The following NRG3 variants were observed in gnomAD, a reference collection of about 807,000 sequenced individuals.
The protein encoded by NRG3 is neuregulin 3.
NRG3 carries 31 observed loss-of-function variants against 66.9 expected under a neutral mutation model. The ratio of observed to expected loss-of-function variants is 0.46; its 90% CI spans 0.35 to 0.63. The LOEUF (loss-of-function observed/expected upper bound fraction) is 0.63, where lower values mean the gene tolerates loss of function less well. Ranked by LOEUF, NRG3 falls within the 20% of genes least tolerant of loss-of-function variation. NRG3 has a pLI of 0.00. For synonymous variants in NRG3, 393 were observed against 359.4 expected (o/e 1.09, Z -1.06); for missense variants, 910 against 878.9 (o/e 1.04, Z -0.45).
At chr10:82,368,637 T>G (rs767627657) in intron 2 of NRG3, among the ~76,000 whole-genome samples, 9 of 137,900 alleles carry the variant, frequency 6.5e-5, no homozygotes, top group Non-Finnish European at 1.0e-4. Flanking sequence ...CACTATCTTG[T>G]GAGGGATGGG....
intron 1 of NRG3, among the ~76,000 whole-genome samples, chr10:82,349,344 C>T (rs1404722485): frequency 6.6e-6 from 1 of 151,846 alleles, no homozygotes; most frequent in East Asian, 1.9e-4. Context: ...TCAGTGTGCC[C>T]CTGCTGGGGG....
chr10:81,896,940 A>G (rs1480128387), intron 1 of NRG3, among the ~76,000 whole-genome samples: 2 of 152,298 alleles, frequency 1.3e-5, no homozygotes, highest in East Asian at 3.9e-4. Context: ...GAGAAGTTAG[A>G]TAGGAACAGG....
chr10:82,953,069 TA>T (rs907560819), intron 5 of NRG3, among the ~76,000 whole-genome samples: 1 of 151,912 alleles, frequency 6.6e-6, no homozygotes, highest in African/African-American at 2.4e-5. Context: ...CTTAGTATTT[TA>T]CCTAAGGCCC....
chr10:82,918,075 A>G (rs535645420), intron 4 of NRG3, among the ~76,000 whole-genome samples: 1 of 151,456 alleles, frequency 6.6e-6, no homozygotes, highest in East Asian at 1.9e-4. Context: ...GTCTTAAAAC[A>G]TTCTAGCAAA....
chr10:82,781,461 G>C (rs1041599159), intron 3 of NRG3, among the ~76,000 whole-genome samples: 2 of 152,048 alleles, frequency 1.3e-5, no homozygotes, highest in African/African-American at 4.8e-5. Flanking sequence ...CCTCTATCTT[G>C]GCTTATATCT....
At chr10:82,682,597 C>T (rs1464470542) in intron 2 of NRG3, among the ~76,000 whole-genome samples, 2 of 152,132 alleles carry the variant, frequency 1.3e-5, no homozygotes, top group African/African-American at 4.8e-5. Context: ...TTATGGGCAA[C>T]AACTGCTGAA....
chr10:81,926,014 C>T (rs1205219711), intron 1 of NRG3, among the ~76,000 whole-genome samples: 1 of 152,098 alleles, frequency 6.6e-6, no homozygotes, highest in Non-Finnish European at 1.5e-5. Flanking sequence ...TTGGCCGTGG[C>T]ATAGACAGCA....
chr10:82,718,322 G>A (rs1366090352), intron 2 of NRG3, among the ~76,000 whole-genome samples: 1 of 152,154 alleles, frequency 6.6e-6, no homozygotes, highest in Non-Finnish European at 1.5e-5. Context: ...GATACTTGAA[G>A]AGGTTTCTGT....
intron 3 of NRG3, among the ~76,000 whole-genome samples, chr10:82,819,497 A>G (rs757536183): frequency 9.9e-5 from 15 of 152,196 alleles, no homozygotes; most frequent in African/African-American, 1.7e-4. Context: ...TGCGCCAATG[A>G]CTATATCCTC....
At chr10:82,123,541 C>T (rs2068229912) in intron 1 of NRG3, among the ~76,000 whole-genome samples, 3 of 152,118 alleles carry the variant, frequency 2.0e-5, no homozygotes, top group South Asian at 2.1e-4. Context: ...CTGCTGAGGA[C>T]GGACACTGGC....
chr10:82,594,553 C>G (rs966628067), intron 2 of NRG3, among the ~76,000 whole-genome samples: 1 of 152,108 alleles, frequency 6.6e-6, no homozygotes, highest in Admixed American at 6.6e-5. Flanking sequence ...AAAAAAATTT[C>G]TCATCCACAC....
intron 3 of NRG3, among the ~76,000 whole-genome samples, chr10:82,842,283 A>C (rs925772969): frequency 6.6e-6 from 1 of 152,158 alleles, no homozygotes; most frequent in East Asian, 1.9e-4. Flanking sequence ...CAAGTGTTAT[A>C]TGCTTGTTTT....
At position 82,761,916 on chromosome 10, in the gene NRG3, T is replaced by TTCTCTC. The variant is rs1555028656; in HGVS notation, c.1027+23269_1027+23270insCTCTCT. On this transcript the variant is annotated intron_variant, in intron 3 of 8. Coordinates refer to ENST00000372141, the MANE Select transcript of NRG3 (RefSeq NM_001010848.4). ...CTTCCTTCCGTTCTTTCTTCTTTCT[T>TTCTCTC]TCTTTCTCTTTCTTTCTTTCTTTCT... Among the ~76,000 whole-genome samples, 50 of 132,858 alleles carry TTCTCTC rather than the reference T, an allele frequency of 3.8e-4. No individual in the cohort carries two copies. The East Asian group carries it at 6.3e-3, about 17-fold the overall frequency. 87.2% of individuals were successfully genotyped at this position (132,858 alleles called of 152,430 possible).
In NRG3 at chr10:82,340,232, G is replaced by C. The variant is rs143059768; in HGVS notation, c.824-18507G>C. ...GTAAAAACATATTTCCTATGCAAAG[G>C]CTGCATTAAGATATGTCTAGTTCCC... On this transcript the variant is annotated intron_variant, in intron 1 of 8. Transcript: ENST00000372141. Among the ~76,000 whole-genome samples the C allele has an allele frequency of 3.6e-3, 548 of 152,198 alleles. 2 individuals carry two copies. Among genetic ancestry groups the C allele is most frequent in the African/African-American group, 0.013 (527 of 41,506 alleles).
chr10:82,895,198 G>C (rs550348422), intron 4 of NRG3, among the ~76,000 whole-genome samples: 1 of 152,138 alleles, frequency 6.6e-6, no homozygotes, highest in African/African-American at 2.4e-5. Flanking sequence ...ATATGATATT[G>C]CTGTTAATAT....
intron 1 of NRG3, among the ~76,000 whole-genome samples, chr10:81,982,059 T>C (rs1019640281): frequency 1.3e-5 from 2 of 152,238 alleles, no homozygotes; most frequent in Non-Finnish European, 2.9e-5. Context: ...ATTCAAGTTC[T>C]GGTTGCTTTT....
intron 4 of NRG3, among the ~76,000 whole-genome samples, chr10:82,910,102 C>G (rs1257056028): frequency 6.6e-6 from 1 of 152,092 alleles, no homozygotes; most frequent in Non-Finnish European, 1.5e-5. Context: ...AAGAAAATAC[C>G]AATTACAATG....
intron 2 of NRG3, among the ~76,000 whole-genome samples, chr10:82,684,761 G>A (rs2054377861): frequency 6.6e-6 from 1 of 152,112 alleles, no homozygotes; most frequent in Admixed American, 6.6e-5. Flanking sequence ...AAAGGAGAGA[G>A]GATCAAAGCT....
intron 1 of NRG3, among the ~76,000 whole-genome samples, chr10:81,941,046 T>C (rs2133093399): frequency 6.6e-6 from 1 of 152,232 alleles, no homozygotes; most frequent in South Asian, 2.1e-4. Flanking sequence ...AAAATGAAGC[T>C]TTAAAAGTTT....
Sources: allele counts gnomAD v4.1 joint callset (sites outside exome capture counted in the v4.1 genomes callset), GRCh38; gene constraint gnomAD v4.1.1; transcripts MANE v1.5; gene names NCBI Gene and HGNC (gene_info 2026-07-23, HGNC 2026-07-21).